ADAM10: variants seen among roughly 807,000 people sequenced by gnomAD.
ADAM10 encodes disintegrin and metalloproteinase domain-containing protein 10.
Under a neutral mutation model 90.1 loss-of-function variants are expected in ADAM10, and 17 were observed. That is an observed-to-expected ratio of 0.19 (90% CI 0.13 to 0.28). ADAM10 has a LOEUF of 0.28. ADAM10 is among the 10% of genes least tolerant of loss of function. The pLI, the probability that ADAM10 is intolerant of heterozygous loss-of-function variation, is 1.00. For missense variants in ADAM10, 610 were observed against 914.3 expected (o/e 0.67, Z 4.29); for synonymous variants, 310 against 298.6 (o/e 1.04, Z -0.40).
At chr15:58,718,184 A>G (rs72743100) in intron 1 of ADAM10, among the ~76,000 whole-genome samples, 60,957 of 151,582 alleles carry the variant, frequency 0.4, 14,471 homozygotes, top group Non-Finnish European at 0.55. Context: ...AAATAAATAA[A>G]AAGTTAAAAA....
chr15:58,674,912 G>A (rs975311003), intron 4 of ADAM10, among the ~76,000 whole-genome samples: 18 of 152,206 alleles, frequency 1.2e-4, no homozygotes, highest in African/African-American at 9.6e-5. Flanking sequence ...AATTCAGGCC[G>A]GGCACAGTGG....
At chr15:58,659,231 C>T (rs994686680) in intron 5 of ADAM10, among the ~76,000 whole-genome samples, 6 of 151,880 alleles carry the variant, frequency 4.0e-5, no homozygotes, top group African/African-American at 1.2e-4. Flanking sequence ...CGAGATCACA[C>T]CACTGCACTC....
At chr15:58,673,741 T>TC (rs1181841436) in intron 4 of ADAM10, among the ~76,000 whole-genome samples, 2 of 150,146 alleles carry the variant, frequency 1.3e-5, no homozygotes, top group Non-Finnish European at 3.0e-5. Flanking sequence ...TTCTCTCTCT[T>TC]TTTTTTTTTC....
rs1163936309 is a variant in ADAM10, at chr15:58,595,309, G to A, written c.*2238C>T. ...AATAAAGATAATCTATACTTTTGTA[G>A]GAAGAGACAACTGTAAGAAAACACT... On this transcript the variant is annotated 3_prime_UTR_variant, in exon 16 of 16. Transcript: ENST00000260408. The A allele has an allele frequency of 6.6e-6, 1 of 152,104 alleles. No homozygotes were observed. The highest frequency in any genetic ancestry group is 1.5e-5 in the Non-Finnish European group (1 of 67,978). The allele number at this position is 152,104 out of a possible 1,614,324, so 9.4% of individuals were successfully genotyped here.
intron 9 of ADAM10, among the ~76,000 whole-genome samples, chr15:58,631,604 A>G (rs1896102913): frequency 6.6e-6 from 1 of 152,216 alleles, no homozygotes. Flanking sequence ...TCTGTGTTTT[A>G]AGATTCTCAG....
chr15:58,637,172 T>C (rs1896278123), intron 8 of ADAM10, among the ~76,000 whole-genome samples: 3 of 152,190 alleles, frequency 2.0e-5, no homozygotes, highest in Non-Finnish European at 4.4e-5. Flanking sequence ...TAATATGTAA[T>C]ATCAAACTAA....
intron 10 of ADAM10, among the ~76,000 whole-genome samples, chr15:58,623,068 T>C (rs925993274): frequency 6.6e-6 from 1 of 152,078 alleles, no homozygotes; most frequent in East Asian, 1.9e-4. Flanking sequence ...AGGGAACACA[T>C]ACATCTCAAC....
intron 4 of ADAM10, among the ~76,000 whole-genome samples, chr15:58,669,981 T>C (rs1427771495): frequency 6.6e-6 from 1 of 152,142 alleles, no homozygotes; most frequent in African/African-American, 2.4e-5. Context: ...AGAATTACAC[T>C]GAAAGCTTTT....
chr15:58,607,987 A>G (rs1318179392), intron 14 of ADAM10, among the ~76,000 whole-genome samples: 6 of 152,242 alleles, frequency 3.9e-5, no homozygotes, highest in African/African-American at 1.4e-4. Context: ...AAATGTTTCA[A>G]GAACTAGATG....
At chr15:58,696,045 G>A (rs1194085312) in intron 2 of ADAM10, among the ~76,000 whole-genome samples, 3 of 152,140 alleles carry the variant, frequency 2.0e-5, no homozygotes, top group African/African-American at 7.2e-5. Context: ...GAACCCAGGA[G>A]GCAGAGGTTA....
At chr15:58,740,755 T>C (rs983031097) in intron 1 of ADAM10, among the ~76,000 whole-genome samples, 1 of 152,198 alleles carries the variant, frequency 6.6e-6, no homozygotes, top group African/African-American at 2.4e-5. Context: ...ACAAATACTA[T>C]AAATTCGTAA....
intron 1 of ADAM10, among the ~76,000 whole-genome samples, chr15:58,743,892 G>A (rs1899699145): frequency 6.6e-6 from 1 of 152,226 alleles, no homozygotes; most frequent in Non-Finnish European, 1.5e-5. Flanking sequence ...ACAGGCGTAA[G>A]CCACTGTGTC....
At chr15:58,643,089 T>C (rs1463646922) in intron 7 of ADAM10, among the ~76,000 whole-genome samples, 2 of 152,138 alleles carry the variant, frequency 1.3e-5, no homozygotes, top group Non-Finnish European at 2.9e-5. Context: ...TTCGGTTGTT[T>C]ATTTAGCATA....
chr15:58,713,052 T>G (rs1373684075), intron 2 of ADAM10, among the ~76,000 whole-genome samples: 3 of 152,164 alleles, frequency 2.0e-5, no homozygotes, highest in African/African-American at 7.2e-5. Flanking sequence ...ATAAAATATT[T>G]AAGAAGAAAA....
chr15:58,622,055 C>T (rs1414038291), intron 10 of ADAM10, among the ~76,000 whole-genome samples: 1 of 152,070 alleles, frequency 6.6e-6, no homozygotes, highest in East Asian at 1.9e-4. Context: ...ACAATGAATT[C>T]CCATGTACCA....
intron 1 of ADAM10, among the ~76,000 whole-genome samples, chr15:58,737,235 T>C (rs1234298419): frequency 6.6e-6 from 1 of 152,188 alleles, no homozygotes; most frequent in Non-Finnish European, 1.5e-5. Context: ...AGAAAATTGG[T>C]ATCTGTTCTC....
At chr15:58,669,562 T>C (rs948131957) in intron 4 of ADAM10, among the ~76,000 whole-genome samples, 3 of 152,174 alleles carry the variant, frequency 2.0e-5, no homozygotes, top group African/African-American at 7.2e-5. Flanking sequence ...TTGTCTTGTT[T>C]CCAAATGCCC....
At chr15:58,715,736 C>T (rs934430735) in intron 2 of ADAM10, among the ~76,000 whole-genome samples, 2 of 152,154 alleles carry the variant, frequency 1.3e-5, no homozygotes, top group Non-Finnish European at 2.9e-5. Context: ...CTCTCGCTTT[C>T]CCTGCTCTCT....
chr15:58,737,799 CTAAAT>C (rs757840193), intron 1 of ADAM10, among the ~76,000 whole-genome samples: 33 of 152,074 alleles, frequency 2.2e-4, no homozygotes, highest in Non-Finnish European at 3.7e-4. Context: ...TTCCAATCTA[CTAAAT>C]TAAAGAATTG....
Sources: allele counts gnomAD v4.1 joint callset (sites outside exome capture counted in the v4.1 genomes callset), GRCh38; gene constraint gnomAD v4.1.1; transcripts MANE v1.5; gene names NCBI Gene and HGNC (gene_info 2026-07-23, HGNC 2026-07-21).